PTPRN2: variants seen among roughly 807,000 people sequenced by gnomAD.
PTPRN2 encodes protein tyrosine phosphatase receptor type N2.
Under a neutral mutation model 118.8 loss-of-function variants are expected in PTPRN2, and 74 were observed. The observed-to-expected ratio is 0.62, with a 90% CI of 0.52 to 0.76. PTPRN2 has a LOEUF of 0.76. PTPRN2 is among the 30% of genes least tolerant of loss of function. The pLI is 0.00. For synonymous variants in PTPRN2, 641 were observed against 608.0 expected, an observed-to-expected ratio of 1.05 and a Z score of -0.80; for missense variants, 1,481 against 1,394.4, an observed-to-expected ratio of 1.06 and a Z score of -0.99.
At chr7:158,129,212 G>A (rs1306696307) in intron 9 of PTPRN2, among the ~76,000 whole-genome samples, 5 of 128,942 alleles carry the variant, frequency 3.9e-5, no homozygotes, top group Non-Finnish European at 6.4e-5. Flanking sequence ...AAACAGATAA[G>A]CCACACAGCA....
At position 158,074,819 on chromosome 7, in the gene PTPRN2, G is replaced by A. The variant is rs139522306; in HGVS notation, c.1723+6479C>T. Among the ~76,000 whole-genome samples, 627 of 152,340 alleles carry A rather than the reference G, an allele frequency of 4.1e-3. 6 individuals are homozygous for A. Among genetic ancestry groups the A allele is most frequent in the African/African-American group, 0.015 (605 of 41,570 alleles). ...TCTGCCAGCAGGATCAGCATTGCTC[G>A]TTCATTTGCAGGTGAGAACGAGCTG... On this transcript the variant is annotated intron_variant, in intron 11 of 22. Transcript: ENST00000389418.
intron 12 of PTPRN2, among the ~76,000 whole-genome samples, chr7:157,882,140 G>A (rs569193047): frequency 1.8e-4 from 26 of 145,632 alleles, no homozygotes; most frequent in South Asian, 1.1e-3. Context: ...AATGACTGTC[G>A]AAGAACAGAA....
At chr7:157,570,872 G>A (rs1210157008) in intron 20 of PTPRN2, among the ~76,000 whole-genome samples, 1 of 152,194 alleles carries the variant, frequency 6.6e-6, no homozygotes, top group Non-Finnish European at 1.5e-5. Flanking sequence ...GGACCACAGG[G>A]TTTAAGAACA....
intron 14 of PTPRN2, among the ~76,000 whole-genome samples, chr7:157,639,651 G>A (rs923773082): frequency 1.3e-5 from 2 of 152,220 alleles, no homozygotes; most frequent in African/African-American, 4.8e-5. Context: ...GAAGGCAGGC[G>A]ACAGGATTCC....
At chr7:158,345,132 A>C (rs1003366341) in intron 2 of PTPRN2, among the ~76,000 whole-genome samples, 4 of 152,268 alleles carry the variant, frequency 2.6e-5, no homozygotes, top group South Asian at 2.1e-4. Flanking sequence ...CAGGACCCCC[A>C]CAGTCCACGT....
At chr7:157,885,832 C>T (rs967043727) in intron 12 of PTPRN2, among the ~76,000 whole-genome samples, 5 of 152,086 alleles carry the variant, frequency 3.3e-5, no homozygotes, top group Non-Finnish European at 7.4e-5. Context: ...CACCGGCTGC[C>T]GGTTCTGCCA....
intron 12 of PTPRN2, among the ~76,000 whole-genome samples, chr7:157,805,873 C>T (rs1316206420): frequency 6.6e-6 from 1 of 152,190 alleles, no homozygotes; most frequent in Non-Finnish European, 1.5e-5. Context: ...GACCCGAGTG[C>T]TTGGGGCCAG....
At position 157,868,291 on chromosome 7, in the gene PTPRN2, C is replaced by A. The variant is rs563922984; in HGVS notation, c.1788+30382G>T. ...TCTGAACAGGGCTCTCTGCAGGCAG[C>A]CCCAGGCCTGGAGTTTGCCAAGTGA... is the stretch of plus-strand genomic sequence containing the variant. On this transcript the variant is annotated intron_variant, in intron 12 of 22. Transcript: ENST00000389418. This position sits in a 1 kb window ranked among gnomAD's most constrained non-coding sequence, Gnocchi z 5.2. Among the ~76,000 whole-genome samples the A allele has an allele frequency of 6.6e-6, 1 of 152,316 alleles. No individual in the cohort carries two copies. Among genetic ancestry groups the A allele is most frequent in the South Asian group, 2.1e-4 (1 of 4,828 alleles).
chr7:158,275,332 C>T (rs1163735427), intron 3 of PTPRN2, among the ~76,000 whole-genome samples: 3 of 152,190 alleles, frequency 2.0e-5, no homozygotes, highest in Non-Finnish European at 2.9e-5. Context: ...CACCTCCTCA[C>T]GCCTCTCCAG....
rs182021550 is a variant in PTPRN2, at chr7:157,853,942, G to A, written c.1788+44731C>T. Among the ~76,000 whole-genome samples the A allele has an allele frequency of 1.7e-3, 263 of 152,308 alleles. 2 individuals are homozygous for A. The highest frequency in any genetic ancestry group is 6.1e-3 in the African/African-American group (252 of 41,574). On this transcript the variant is annotated intron_variant, in intron 12 of 22. Transcript: ENST00000389418. ...GATGCGGACACGGGGCAGCCACAGG[G>A]AACACCGCGTGAAGACGGAGACGGC... is the stretch of plus-strand genomic sequence containing the variant.
intron 12 of PTPRN2, among the ~76,000 whole-genome samples, chr7:157,747,894 C>T (rs1325688679): frequency 6.9e-6 from 1 of 144,438 alleles, no homozygotes; most frequent in Non-Finnish European, 1.5e-5. Flanking sequence ...CCGGGTGATT[C>T]TGAGGCCTGC....
intron 11 of PTPRN2, among the ~76,000 whole-genome samples, chr7:157,923,737 GA>G (rs1229775617): frequency 5.9e-5 from 9 of 152,160 alleles, no homozygotes; most frequent in African/African-American, 2.2e-4. Context: ...AAATTTTCCT[GA>G]GATAAAGAGA....
At chr7:157,852,617 T>A (rs983948166) in intron 12 of PTPRN2, among the ~76,000 whole-genome samples, 1 of 152,190 alleles carries the variant, frequency 6.6e-6, no homozygotes, top group Non-Finnish European at 1.5e-5. Context: ...ACGCCTGTAA[T>A]CCCAGCACTT....
intron 9 of PTPRN2, among the ~76,000 whole-genome samples, chr7:158,123,520 C>T (rs1817349912): frequency 6.6e-6 from 1 of 152,098 alleles, no homozygotes. Flanking sequence ...CTTTGTGCAC[C>T]CAAACTGAAC....
intron 1 of PTPRN2, among the ~76,000 whole-genome samples, chr7:158,523,028 G>C (rs1824328860): frequency 6.6e-6 from 1 of 152,212 alleles, no homozygotes; most frequent in Non-Finnish European, 1.5e-5. Context: ...CTGACACTTA[G>C]ATTTAGGGAT....
At position 157,587,873 on chromosome 7, in the gene PTPRN2, C is replaced by CTCCCCATGCCTGGGTTCCCAAGGTGGCTG. The variant is rs1800764941; in HGVS notation, c.2496+7336_2496+7364dup. Among the ~76,000 whole-genome samples, 1 of 144,380 alleles carries CTCCCCATGCCTGGGTTCCCAAGGTGGCTG rather than the reference C, an allele frequency of 6.9e-6. No individual in the cohort carries two copies. The highest frequency in any genetic ancestry group is 2.2e-4 in the South Asian group (1 of 4,474). 94.7% of individuals were successfully genotyped at this position (144,380 alleles called of 152,430 possible). On this transcript the variant is annotated intron_variant, in intron 17 of 22. Coordinates refer to ENST00000389418, the MANE Select transcript of PTPRN2 (RefSeq NM_002847.5). The surrounding 1 kb of genome is among the most constrained non-coding windows in gnomAD (Gnocchi z 5.3). ...CCATGCCTGGGCTCCCGTGGTGGCTCTCCCCATGCCTGGGTTCCCAAGGTG... is the reference window on the plus strand; with the variant it reads ...CCATGCCTGGGCTCCCGTGGTGGCTCTCCCCATGCCTGGGTTCCCAAGGTGGCTGTCCCCATGCCTGGGTTCCCAAGGTG...
At chr7:157,970,716 C>T (rs1300695603) in intron 11 of PTPRN2, among the ~76,000 whole-genome samples, 1 of 148,870 alleles carries the variant, frequency 6.7e-6, no homozygotes, top group African/African-American at 2.5e-5. Context: ...CCCAGCACAA[C>T]ACACATGGAC....
At chr7:158,176,019 C>T (rs1824171213) in intron 5 of PTPRN2, among the ~76,000 whole-genome samples, 1 of 152,016 alleles carries the variant, frequency 6.6e-6, no homozygotes, top group African/African-American at 2.4e-5. Context: ...CTCAGCCCGC[C>T]CTGCTCCGAG....
intron 11 of PTPRN2, chr7:158,028,357 C>T (rs1431664401): frequency 6.5e-6 from 1 of 152,718 alleles, no homozygotes; most frequent in Non-Finnish European, 1.5e-5. Flanking sequence ...TCGAAACCTT[C>T]AAAGGGAGCC....
Sources: gnomAD v4.1 joint callset for allele counts (sites outside exome capture counted in the v4.1 genomes callset) on GRCh38, gnomAD v4.1.1 for gene constraint, Gnocchi (gnomAD v3.1) non-coding constraint, MANE v1.5 for transcripts, NCBI Gene and HGNC (gene_info 2026-07-23, HGNC 2026-07-21) for gene names.